The following ARHGEF4 variants were observed in gnomAD, a reference collection of about 807,000 sequenced individuals.
ARHGEF4 encodes Rho guanine nucleotide exchange factor 4.
Under a neutral mutation model 162.0 loss-of-function variants are expected in ARHGEF4, and 119 were observed. The observed-to-expected ratio is 0.73, with a 90% CI of 0.63 to 0.86. The LOEUF is 0.86. Ranked by LOEUF, ARHGEF4 falls within the 40% of genes least tolerant of loss-of-function variation. The pLI, the probability that ARHGEF4 is intolerant of heterozygous loss-of-function variation, is 0.00. For synonymous variants in ARHGEF4, 1,014 were observed against 979.9 expected (o/e 1.03, Z -0.65); for missense variants, 2,488 against 2,456.0 (o/e 1.01, Z -0.28).
chr2:130,904,382 T>G (rs1417837800), intron 1 of ARHGEF4, among the ~76,000 whole-genome samples: 1 of 152,170 alleles, frequency 6.6e-6, no homozygotes, highest in East Asian at 1.9e-4. Flanking sequence ...TGGGACTTAG[T>G]GGGCCTCTTC....
chr2:130,985,223 C>T (rs754719946), intron 4 of ARHGEF4, among the ~76,000 whole-genome samples: 19 of 152,148 alleles, frequency 1.2e-4, no homozygotes, highest in Admixed American at 3.9e-4. Context: ...GAGATGGAAA[C>T]TCGCTTCCAG....
chr2:130,974,551 G>A (rs975503408), intron 4 of ARHGEF4, among the ~76,000 whole-genome samples: 1 of 151,618 alleles, frequency 6.6e-6, no homozygotes, highest in Non-Finnish European at 1.5e-5. Context: ...AGGCTCAAGC[G>A]ATCCTCCCAC....
chr2:131,007,800 CTTTTTTTTTTTTTT>C (rs70994731), intron 4 of ARHGEF4, among the ~76,000 whole-genome samples: 10 of 55,914 alleles, frequency 1.8e-4, no homozygotes, highest in African/African-American at 6.3e-4. Context: ...CTTTTCTTTT[CTTTTTTTTTTTTTT>C]TTTTTTTTTT....
At chr2:130,966,943 C>T (rs1685043863) in intron 4 of ARHGEF4, among the ~76,000 whole-genome samples, 1 of 152,154 alleles carries the variant, frequency 6.6e-6, no homozygotes, top group African/African-American at 2.4e-5. Context: ...ACAAAGGACA[C>T]ATGTGTTTAA....
At position 130,836,978 on chromosome 2, in the gene ARHGEF4, C is replaced by T; in HGVS notation, c.25C>T (p.Arg9Trp). ...CATGCTCAGCGTCGTGCACTTCCTC[C>T]GGAGCTTCTTCAAGGTGAGAGCCGG... MLSVVHFL[R>W]SFFKTPEPGA... The change falls in exon 1 of 14, where the codon CGG becomes TGG. Residue 9 changes from arginine to tryptophan, a missense_variant. Arg to Trp is a moderately radical substitution (Grantham distance 101). Transcript: ENST00000409359. The T allele has an allele frequency of 8.1e-7, 1 of 1,227,008 alleles. No individual in the cohort carries two copies. The highest frequency in any genetic ancestry group is 1.0e-6 in the Non-Finnish European group (1 of 984,904). The allele number at this position is 1,227,008 out of a possible 1,614,324, so 76.0% of individuals were successfully genotyped here. A position where few individuals can be genotyped will look rare whatever the true frequency, so the allele number is the denominator to read the frequency against.
chr2:130,965,401 C>T (rs962042912), intron 4 of ARHGEF4, among the ~76,000 whole-genome samples: 1 of 152,254 alleles, frequency 6.6e-6, no homozygotes, highest in African/African-American at 2.4e-5. Flanking sequence ...AAAACACACG[C>T]ATGAAATTCA....
intron 4 of ARHGEF4, among the ~76,000 whole-genome samples, chr2:130,968,128 G>C (rs535257288): frequency 6.6e-5 from 10 of 152,322 alleles, no homozygotes; most frequent in African/African-American, 2.2e-4. Flanking sequence ...TCACATTGTT[G>C]GGGGAAATTA....
At chr2:130,927,806 C>T (rs1281641656) in intron 2 of ARHGEF4, among the ~76,000 whole-genome samples, 6 of 152,152 alleles carry the variant, frequency 3.9e-5, no homozygotes, top group Admixed American at 2.0e-4. Context: ...TCTTTGTTTT[C>T]GTATCTTTGT....
At chr2:131,029,103 A>G (rs1266320050) in intron 5 of ARHGEF4, among the ~76,000 whole-genome samples, 1 of 152,104 alleles carries the variant, frequency 6.6e-6, no homozygotes, top group African/African-American at 2.4e-5. Context: ...GCTCACGCCT[A>G]TAATCTCAGC....
rs1687408464 is a variant in ARHGEF4, at chr2:130,996,592, T to C, written c.3986-31353T>C. Among the ~76,000 whole-genome samples the C allele has an allele frequency of 2.6e-5, 4 of 152,218 alleles. No individual in the cohort carries two copies. In the South Asian group the frequency reaches 6.2e-4, roughly 24 times the overall value. ...TTCAACTGTCTACTGGCACAATCAGTATCACAAAAAATCTAGTGTTGTAAA... is the reference window on the plus strand; with the variant it reads ...TTCAACTGTCTACTGGCACAATCAGCATCACAAAAAATCTAGTGTTGTAAA... On this transcript the variant is annotated intron_variant, in intron 4 of 13. Transcript: ENST00000409359.
chr2:131,006,306 C>A (rs1688110397), intron 4 of ARHGEF4, among the ~76,000 whole-genome samples: 1 of 152,212 alleles, frequency 6.6e-6, no homozygotes, highest in Non-Finnish European at 1.5e-5. Flanking sequence ...ACCCACTGAG[C>A]CACACTGTGC....
intron 1 of ARHGEF4, among the ~76,000 whole-genome samples, chr2:130,911,785 C>T (rs78021447): frequency 0.018 from 2,728 of 152,276 alleles, 72 homozygotes; most frequent in African/African-American, 0.061. Flanking sequence ...CCCAGCAAGA[C>T]GCCAGCCCCT....
intron 4 of ARHGEF4, among the ~76,000 whole-genome samples, chr2:130,977,535 TTGTG>T (rs1285611773): frequency 7.9e-5 from 12 of 151,596 alleles, no homozygotes; most frequent in Admixed American, 5.3e-4. Context: ...GTGGTATACA[TTGTG>T]TGTATGTTCT....
At position 130,917,419 on chromosome 2, in the gene ARHGEF4, AG is replaced by A. The variant is rs1470653947; in HGVS notation, c.3475del (p.Glu1159LysfsTer63). 6.4e-7 allele frequency: 1 copy of A among 1,550,680 alleles called. No individual in the cohort carries two copies. Among genetic ancestry groups the A allele is most frequent in the Non-Finnish European group, 8.7e-7 (1 of 1,147,014 alleles). ...CAGACGCTAAACCAAGATGAGCAGA[AG>A]GAAGAGAGCAGGGAAGGAGGCCAGG... ...SLQTLNQDEQ[K>X]EESREGGQGP... On this transcript the variant is annotated frameshift_variant, in exon 2 of 14. Transcript: ENST00000409359. LOFTEE classifies it high-confidence loss of function.
At chr2:130,837,104 T>A in intron 1 of ARHGEF4, 112 bp downstream of exon 1, 1 of 1,024,696 alleles carries the variant, frequency 9.8e-7, no homozygotes, top group South Asian at 4.9e-5. Context: ...GGGCACCCGG[T>A]GGGTGGGGAC....
chr2:131,028,162 A>G, intron 5 of ARHGEF4, 78 bp downstream of exon 5: 1 of 1,552,316 alleles, frequency 6.4e-7, no homozygotes, highest in Non-Finnish European at 8.7e-7. Context: ...AATGCAGGCC[A>G]GATGCCCACA....
In ARHGEF4 at chr2:130,917,394, C is replaced by A. The variant is rs556508972; in HGVS notation, c.3448C>A (p.Gln1150Lys). ...KGQTSFLLSL[Q>K]TLNQDEQKEE... ...CCAGACCAGTTTCCTGCTTTCTCTG[C>A]AGACGCTAAACCAAGATGAGCAGAA... The change falls in exon 2 of 14, where the codon CAG (glutamine) becomes AAG (lysine). Residue 1150 changes from glutamine to lysine, a missense_variant. Physicochemically the swap from Gln to Lys is moderately conservative, Grantham distance 53. This residue lies in a region of ARHGEF4 where 1,642 missense variants were observed against 1,481.5 expected (regional missense o/e 1.11). Coordinates refer to ENST00000409359, the MANE Select transcript of ARHGEF4 (RefSeq NM_001367493.1). 14 of 1,550,660 alleles carry A rather than the reference C, an allele frequency of 9.0e-6. No homozygotes were observed. The Admixed American group carries it at 2.7e-4, about 30-fold the overall frequency.
intron 4 of ARHGEF4, among the ~76,000 whole-genome samples, chr2:130,961,661 C>G (rs1360675980): frequency 5.3e-5 from 8 of 152,184 alleles, no homozygotes; most frequent in African/African-American, 1.9e-4. Context: ...GTGGGTGACA[C>G]TGACGCTGTC....
intron 1 of ARHGEF4, among the ~76,000 whole-genome samples, chr2:130,839,807 C>G (rs529653422): frequency 9.2e-5 from 14 of 152,300 alleles, no homozygotes; most frequent in African/African-American, 3.1e-4. Context: ...CTGCTGCCTG[C>G]CTGGAGCCGT....
Sources: gnomAD v4.1 joint callset for allele counts (sites outside exome capture counted in the v4.1 genomes callset) on GRCh38, gnomAD v4.1.1 for gene constraint, gnomAD v4.1.1 regional missense constraint, MANE v1.5 for transcripts, NCBI Gene and HGNC (gene_info 2026-07-23, HGNC 2026-07-21) for gene names.